TOX2: variants seen among roughly 807,000 people sequenced by gnomAD.
The protein encoded by TOX2 is granulosa cell HMG box 1.
In TOX2, 15 loss-of-function variants were observed where a neutral mutation model predicts 47.4. The observed-to-expected ratio is 0.32, with a 90% confidence interval of 0.21 to 0.49. TOX2 has a LOEUF of 0.49. Ranked by LOEUF, TOX2 falls within the 20% of genes least tolerant of loss-of-function variation. The pLI is 0.99. For synonymous variants in TOX2, 290 were observed against 296.6 expected, an observed-to-expected ratio of 0.98 and a Z score of 0.23; for missense variants, 622 against 673.1, an observed-to-expected ratio of 0.92 and a Z score of 0.84.
intron 1 of TOX2, among the ~76,000 whole-genome samples, chr20:43,940,963 T>A (rs1403524696): frequency 6.6e-6 from 1 of 152,254 alleles, no homozygotes; most frequent in Admixed American, 6.5e-5. Context: ...TACCTGGCGA[T>A]GAAGCAGCTG....
rs558432922 is a variant in TOX2, at chr20:44,065,810, C to T, written c.1059C>T (p.Ala353=). 2.5e-6 allele frequency: 4 copies of T among 1,613,864 alleles called. No individual in the cohort carries two copies. Among genetic ancestry groups the T allele is most frequent in the Admixed American group, 3.3e-5 (2 of 60,022 alleles). ...CCATGTATGCCATGCCAGGCCTGGC[C>T]TCCTTCCTGACGCCGTCGGACCTGC... is the stretch of plus-strand genomic sequence containing the variant. ...KQPMYAMPGL[A]SFLTPSDLQA... is the part of the protein sequence containing the mutation. The change falls in exon 7 of 9, where the codon GCC becomes GCT. Residue 353 remains alanine, a synonymous_variant. Coordinates refer to ENST00000341197, the MANE Select transcript of TOX2 (RefSeq NM_001098797.2).
At chr20:44,022,535 T>C (rs545463289) in intron 3 of TOX2, among the ~76,000 whole-genome samples, 6 of 152,326 alleles carry the variant, frequency 3.9e-5, no homozygotes, top group South Asian at 2.1e-4. Context: ...TTCCCAAGCA[T>C]TGGTGAACTG....
Position 43,917,000 on chromosome 20 carries a change from T to A in TOX2, c.99+2010T>A, listed in dbSNP as rs1397740744. Among the ~76,000 whole-genome samples the A allele has an allele frequency of 6.6e-6, 1 of 152,078 alleles. No individual in the cohort carries two copies. Among genetic ancestry groups the A allele is most frequent in the East Asian group, 1.9e-4 (1 of 5,178 alleles). On this transcript the variant is annotated intron_variant, in intron 1 of 8. Coordinates refer to ENST00000341197, the MANE Select transcript of TOX2 (RefSeq NM_001098797.2). The surrounding 1 kb of genome is among the most constrained non-coding windows in gnomAD (Gnocchi z 5.0). The stretch of plus-strand genomic sequence containing the variant: ...TGAGAAGCCGGCGATTCTGGTTTCT[T>A]TCTGTGTGGGATGTAGGACCCCTGG...
intron 1 of TOX2, among the ~76,000 whole-genome samples, chr20:43,922,652 A>G (rs560467025): frequency 6.6e-6 from 1 of 152,366 alleles, no homozygotes; most frequent in Admixed American, 6.5e-5. Context: ...GTAATTTTAT[A>G]TCTTAATGAA....
chr20:44,047,022 G>C (rs939317613), intron 3 of TOX2, among the ~76,000 whole-genome samples: 3 of 150,844 alleles, frequency 2.0e-5, no homozygotes, highest in Non-Finnish European at 4.4e-5. Context: ...GATAACAAAG[G>C]ATACATTAAA....
rs1180586976 is a variant in TOX2, at chr20:43,916,007, C to A, written c.99+1017C>A. 1 of 610,904 alleles carries A rather than the reference C, an allele frequency of 1.6e-6. No homozygotes were observed. The highest frequency in any genetic ancestry group is 2.1e-6 in the Non-Finnish European group (1 of 487,750). 37.8% of individuals were successfully genotyped at this position (610,904 alleles called of 1,614,324 possible). On this transcript the variant is annotated intron_variant, in intron 1 of 8. Coordinates refer to ENST00000341197, the MANE Select transcript of TOX2 (RefSeq NM_001098797.2). The surrounding 1 kb of genome is among the most constrained non-coding windows in gnomAD (Gnocchi z 5.0). ...GATGGGTTGGGTGCCTCTAAGCAGT[C>A]CGCGTCCCCTTCGGTCGCCGGAGAG...
intron 6 of TOX2, 128 bp downstream of exon 6, chr20:44,064,985 G>T: frequency 1.3e-6 from 1 of 794,196 alleles, no homozygotes; most frequent in Non-Finnish European, 2.0e-6. Context: ...GACCTACATG[G>T]TCATGTCTGC....
intron 3 of TOX2, among the ~76,000 whole-genome samples, chr20:44,032,380 G>A (rs919702674): frequency 5.3e-5 from 8 of 152,312 alleles, no homozygotes; most frequent in Non-Finnish European, 1.0e-4. Flanking sequence ...GCGTCCCCGC[G>A]GTTGTAACAA....
At chr20:44,017,343 C>G (rs2070897283) in intron 3 of TOX2, among the ~76,000 whole-genome samples, 1 of 152,186 alleles carries the variant, frequency 6.6e-6, no homozygotes, top group Admixed American at 6.5e-5. Context: ...CTGGGGTGCT[C>G]ACCGTCTAGG....
chr20:44,044,294 G>T (rs1340483023), intron 3 of TOX2, among the ~76,000 whole-genome samples: 4 of 152,144 alleles, frequency 2.6e-5, no homozygotes, highest in East Asian at 1.9e-4. Context: ...CGGTTGTGGG[G>T]AGGGATAGCA....
chr20:43,987,817 G>A (rs1040643373), intron 2 of TOX2, among the ~76,000 whole-genome samples: 4 of 152,116 alleles, frequency 2.6e-5, no homozygotes, highest in African/African-American at 4.8e-5. Flanking sequence ...CAGGTGGCAC[G>A]GGCTTCCCCA....
chr20:44,059,930 A>G (rs2071687228), intron 5 of TOX2, among the ~76,000 whole-genome samples: 1 of 152,236 alleles, frequency 6.6e-6, no homozygotes, highest in Non-Finnish European at 1.5e-5. Flanking sequence ...CTGAATGTAA[A>G]TGGCCTAAAT....
chr20:44,028,438 C>A (rs2071098637), intron 3 of TOX2, among the ~76,000 whole-genome samples: 1 of 152,230 alleles, frequency 6.6e-6, no homozygotes, highest in Non-Finnish European at 1.5e-5. Flanking sequence ...CAAACCCTCG[C>A]TGCAGCGCTT....
intron 2 of TOX2, among the ~76,000 whole-genome samples, chr20:43,994,519 G>A (rs1219561565): frequency 7.3e-5 from 11 of 151,590 alleles, no homozygotes; most frequent in Non-Finnish European, 1.5e-4. Context: ...CTGTAAAATG[G>A]GGCCAGTGCC....
Position 44,065,884 on chromosome 20 carries a change from G to A in TOX2, c.1133G>A (p.Gly378Asp). 6.2e-7 allele frequency: 1 copy of A among 1,612,548 alleles called. No homozygotes were observed. The highest frequency in any genetic ancestry group is 8.5e-7 in the Non-Finnish European group (1 of 1,179,030). The change falls in exon 7 of 9, where the codon GGC (glycine) becomes GAC (aspartate). Residue 378 changes from glycine (G) to aspartate (D), a missense_variant. Physicochemically the swap from Gly to Asp is moderately conservative, Grantham distance 94. Around this residue, in one of 3 missense-constraint regions of TOX2, gnomAD observed 294 missense variants for 300.0 expected, o/e 0.98. Coordinates refer to ENST00000341197, the MANE Select transcript of TOX2 (RefSeq NM_001098797.2). ...ASPASLARTL[G>D]SKSLLPGLSA... ...CCTGCCAGCCTCGCCCGGACGCTGGGCTCCAAGTCTCTGCTGCCAGGCCTC... is the reference window on the plus strand; with the variant it reads ...CCTGCCAGCCTCGCCCGGACGCTGGACTCCAAGTCTCTGCTGCCAGGCCTC...
chr20:44,047,064 A>G (rs1312113864), intron 3 of TOX2, among the ~76,000 whole-genome samples: 1 of 152,246 alleles, frequency 6.6e-6, no homozygotes, highest in Non-Finnish European at 1.5e-5. Flanking sequence ...CTTTAGGGTC[A>G]GAGAGAAAAT....
chr20:44,038,176 G>T (rs969355796), intron 3 of TOX2, among the ~76,000 whole-genome samples: 1 of 152,088 alleles, frequency 6.6e-6, no homozygotes, highest in Non-Finnish European at 1.5e-5. Flanking sequence ...AGGGTGGATC[G>T]CTTGAGCCCA....
intron 5 of TOX2, among the ~76,000 whole-genome samples, chr20:44,064,018 T>C (rs542307503): frequency 6.6e-6 from 1 of 152,174 alleles, no homozygotes; most frequent in Non-Finnish European, 1.5e-5. Flanking sequence ...AGGATGGTAG[T>C]GAAGGATAAA....
chr20:44,058,981 C>A (rs2071670627), intron 5 of TOX2, among the ~76,000 whole-genome samples: 1 of 152,088 alleles, frequency 6.6e-6, no homozygotes, highest in African/African-American at 2.4e-5. Flanking sequence ...ATTTAACACC[C>A]CCAAAAGATA....
Sources: allele counts gnomAD v4.1 joint callset (sites outside exome capture counted in the v4.1 genomes callset), GRCh38; gene constraint gnomAD v4.1.1; regional missense constraint gnomAD v4.1.1; non-coding constraint Gnocchi (gnomAD v3.1); transcripts MANE v1.5; gene names NCBI Gene and HGNC (gene_info 2026-07-23, HGNC 2026-07-21).